Variants in DYNC1LI1 observed in about 807,000 individuals in gnomAD.
DYNC1LI1 encodes cytoplasmic dynein 1 light intermediate chain 1.
A neutral mutation model predicts 63.8 loss-of-function variants in DYNC1LI1; 19 were observed. The ratio of observed to expected loss-of-function variants is 0.30; its 90% CI spans 0.21 to 0.44. DYNC1LI1 has a LOEUF of 0.44. Ranked by LOEUF, DYNC1LI1 falls within the 20% of genes least tolerant of loss-of-function variation. The probability of loss-of-function intolerance (pLI) is 1.00; values close to 1 mark genes in which losing one functional copy is unlikely to be tolerated. For missense variants in DYNC1LI1, 565 were observed against 630.2 expected, an observed-to-expected ratio of 0.90 and a Z score of 1.11; for synonymous variants, 225 against 232.3, an observed-to-expected ratio of 0.97 and a Z score of 0.28.
At chr3:32,527,697 A>C (rs1011283608) in intron 12 of DYNC1LI1, among the ~76,000 whole-genome samples, 1 of 152,232 alleles carries the variant, frequency 6.6e-6, no homozygotes, top group African/African-American at 2.4e-5. Flanking sequence ...TATCCACACA[A>C]AAACGGATGT....
chr3:32,537,917 TATATATATA>T (rs1276930999), intron 5 of DYNC1LI1, among the ~76,000 whole-genome samples: 18 of 33,340 alleles, frequency 5.4e-4, no homozygotes, highest in African/African-American at 2.5e-3. Flanking sequence ...ATATATAATT[TATATATATA>T]ATATATATAT....
chr3:32,544,781 A>C, intron 4 of DYNC1LI1, 95 bp downstream of exon 4: 1 of 877,992 alleles, frequency 1.1e-6, no homozygotes, highest in East Asian at 2.6e-5. Context: ...TGCTTACTTC[A>C]TTAAACCTTT....
In DYNC1LI1 at chr3:32,526,457, C is replaced by T. The variant is rs924131699; in HGVS notation, c.*342G>A. On this transcript the variant is annotated 3_prime_UTR_variant, in exon 13 of 13. Transcript: ENST00000273130. ...AATGCCCAAACTGCATGTTTTCTGC[C>T]GTTCCCCAAATCCTTTTACATGTTT... 2.5e-5 allele frequency: 4 copies of T among 159,560 alleles called. No individual in the cohort carries two copies. Among genetic ancestry groups the T allele is most frequent in the East Asian group, 3.6e-4 (2 of 5,598 alleles). 9.9% of individuals were successfully genotyped at this position (159,560 alleles called of 1,614,324 possible). A position where few individuals can be genotyped will look rare whatever the true frequency, so the allele number is the denominator to read the frequency against.
intron 2 of DYNC1LI1, among the ~76,000 whole-genome samples, chr3:32,569,190 C>T (rs1278622299): frequency 6.6e-6 from 1 of 152,158 alleles, no homozygotes; most frequent in East Asian, 1.9e-4. Flanking sequence ...TGCTTAAGAT[C>T]CTAGGGCTTA....
Position 32,539,636 on chromosome 3 carries a change from C to T in DYNC1LI1, c.738+1401G>A, listed in dbSNP as rs537603353. On this transcript the variant is annotated intron_variant, in intron 5 of 12. Coordinates refer to ENST00000273130, the MANE Select transcript of DYNC1LI1 (RefSeq NM_016141.4). ...CTGCAAGCTCTGCCTCCCAGGTTCA[C>T]GCCATTCTCCTGCCTCAGCCTCCCG... 8.4e-4 allele frequency among the ~76,000 whole-genome samples: 125 copies of T among 149,274 alleles called. No individual in the cohort carries two copies. In the Middle Eastern group the frequency reaches 0.011, roughly 14 times the overall value.
intron 2 of DYNC1LI1, among the ~76,000 whole-genome samples, chr3:32,547,522 T>C (rs921762657): frequency 5.9e-5 from 9 of 152,156 alleles, no homozygotes; most frequent in Non-Finnish European, 1.2e-4. Flanking sequence ...TGCCACAAGA[T>C]TGCAGTGCCC....
rs1697621111 is a variant in DYNC1LI1 at position 32,526,578 on chromosome 3, T to C, written c.*221A>G. On this transcript the variant is annotated 3_prime_UTR_variant, in exon 13 of 13. Coordinates refer to ENST00000273130, the MANE Select transcript of DYNC1LI1 (RefSeq NM_016141.4). ...TCAAAAATTACTTTCTTATGCAAAA[T>C]GGCAATGCAAACAGCAATCCTACAT... 5.6e-6 allele frequency: 2 copies of C among 355,026 alleles called. No homozygotes were observed. Among genetic ancestry groups the C allele is most frequent in the African/African-American group, 2.1e-5 (1 of 48,314 alleles). 22.0% of individuals were successfully genotyped at this position (355,026 alleles called of 1,614,324 possible).
chr3:32,529,869 T>C (rs1330219367), intron 10 of DYNC1LI1, among the ~76,000 whole-genome samples: 3 of 152,186 alleles, frequency 2.0e-5, no homozygotes, highest in Non-Finnish European at 4.4e-5. Context: ...TACAAATTTT[T>C]CCTCTCATAG....
intron 2 of DYNC1LI1, among the ~76,000 whole-genome samples, chr3:32,554,933 A>C (rs111942801): frequency 0.062 from 8,704 of 141,328 alleles, 287 homozygotes; most frequent in Middle Eastern, 0.082. Context: ...GCAATAGCGC[A>C]ATCTTGGCTC....
At chr3:32,570,215 A>G (rs966889005) in intron 2 of DYNC1LI1, 131 bp downstream of exon 2, 1 of 791,582 alleles carries the variant, frequency 1.3e-6, no homozygotes, top group Non-Finnish European at 2.1e-6. Flanking sequence ...CATCCGCGAC[A>G]GGTCGGGAGG....
At chr3:32,567,347 C>T (rs1000113294) in intron 2 of DYNC1LI1, among the ~76,000 whole-genome samples, 4 of 152,030 alleles carry the variant, frequency 2.6e-5, no homozygotes, top group Non-Finnish European at 5.9e-5. Context: ...CACATACACA[C>T]GTTACTACAC....
At position 32,569,637 on chromosome 3, in the gene DYNC1LI1, C is replaced by G. The variant is rs571549294; in HGVS notation, c.220+709G>C. On this transcript the variant is annotated intron_variant, in intron 2 of 12. Coordinates refer to ENST00000273130, the MANE Select transcript of DYNC1LI1 (RefSeq NM_016141.4). Reference sequence around the variant, plus strand: ...AAAATGCGAATCTGCGAACTATTCTCCCTCAGTCCTCTATCCCCACCCCCA... The same window carrying G: ...AAAATGCGAATCTGCGAACTATTCTGCCTCAGTCCTCTATCCCCACCCCCA... Among the ~76,000 whole-genome samples, 128 of 152,282 alleles carry G rather than the reference C, an allele frequency of 8.4e-4. 1 individual carries two copies. In the Middle Eastern group the frequency reaches 0.01, roughly 12 times the overall value.
In DYNC1LI1 at chr3:32,534,619, A is replaced by G. The variant is rs201749401; in HGVS notation, c.860T>C (p.Val287Ala). ...QYGAALIYTS[V>A]KENKNIDLVY... ...TAAGTCTATATTTTTGTTTTCTTTT[A>G]CTGAAGTGTAAATAAGTGCTGCACC... is the stretch of plus-strand genomic sequence containing the variant. Residue 287 changes from valine to alanine, a missense_variant, in exon 7 of 13, where the codon GTA (valine) becomes GCA (alanine). Val to Ala is a moderately conservative substitution (Grantham distance 64). Transcript: ENST00000273130. 2 of 1,598,416 alleles carry G rather than the reference A, an allele frequency of 1.3e-6. No individual in the cohort carries two copies. The highest frequency in any genetic ancestry group is 1.7e-6 in the Non-Finnish European group (2 of 1,171,370).
intron 2 of DYNC1LI1, among the ~76,000 whole-genome samples, chr3:32,548,343 C>CT (rs1697986453): frequency 6.6e-6 from 1 of 152,150 alleles, no homozygotes; most frequent in Non-Finnish European, 1.5e-5. Context: ...TTAGGAGAAT[C>CT]TAACTAATGC....
intron 2 of DYNC1LI1, 56 bp downstream of exon 2, chr3:32,570,290 A>C: frequency 1.4e-6 from 2 of 1,395,290 alleles, no homozygotes; most frequent in East Asian, 4.9e-5. Flanking sequence ...CCCGCGGACC[A>C]GGTACCCCGG....
intron 10 of DYNC1LI1, among the ~76,000 whole-genome samples, chr3:32,529,885 A>G (rs1316565330): frequency 6.6e-6 from 1 of 152,218 alleles, no homozygotes; most frequent in Non-Finnish European, 1.5e-5. Flanking sequence ...CATAGAAAAT[A>G]AAGAACATAT....
At position 32,570,749 on chromosome 3, in the gene DYNC1LI1, C is replaced by G. The variant is rs570271991; in HGVS notation, c.22G>C (p.Gly8Arg). 18 of 1,605,112 alleles carry G rather than the reference C, an allele frequency of 1.1e-5. No homozygotes were observed. In the East Asian group the frequency reaches 4.1e-4, roughly 37 times the overall value. Reference protein sequence around the residue: MAAVGRVGSFGSSPPGLS... With the variant: MAAVGRVRSFGSSPPGLS... ...CCCGGCGGAGAAGAACCGAAGGAGC[C>G]GACTCGCCCCACGGCCGCCATCTTG... The change falls in exon 1 of 13, where the codon GGC (glycine) becomes CGC (arginine). Residue 8 changes from glycine (G) to arginine (R), a missense_variant. Coordinates refer to ENST00000273130, the MANE Select transcript of DYNC1LI1 (RefSeq NM_016141.4).
intron 2 of DYNC1LI1, among the ~76,000 whole-genome samples, chr3:32,559,865 G>T (rs574040745): frequency 1.1e-4 from 16 of 152,210 alleles, no homozygotes; most frequent in Non-Finnish European, 1.9e-4. Flanking sequence ...AGCCATGAGG[G>T]GTCTTCACTG....
At position 32,526,910 on chromosome 3, in the gene DYNC1LI1, TA is replaced by T; in HGVS notation, c.1463-3del. The stretch of plus-strand genomic sequence containing the variant: ...GAACATCTAAGACAGGCTTCTGGCC[TA>T]CATTGAAGAAAAAGAAAAAAAACAA... On this transcript the variant is annotated splice_region_variant and splice_polypyrimidine_tract_variant and intron_variant, in intron 12 of 12. Transcript: ENST00000273130. 6.3e-7 allele frequency: 1 copy of T among 1,597,566 alleles called. No individual in the cohort carries two copies. Among genetic ancestry groups the T allele is most frequent in the South Asian group, 1.1e-5 (1 of 89,040 alleles).
Sources: allele counts gnomAD v4.1 joint callset (sites outside exome capture counted in the v4.1 genomes callset), GRCh38; gene constraint gnomAD v4.1.1; transcripts MANE v1.5; gene names NCBI Gene and HGNC (gene_info 2026-07-23, HGNC 2026-07-21).